DLGAP2: variants seen among roughly 807,000 people sequenced by gnomAD.
DLGAP2 encodes the protein disks large-associated protein 2.
Under a neutral mutation model 100.3 loss-of-function variants are expected in DLGAP2, and 26 were observed. The ratio of observed to expected loss-of-function variants is 0.26; its 90% CI spans 0.19 to 0.36. The LOEUF is 0.36. Among genes scored for constraint, DLGAP2 ranks in the 10% least tolerant of loss-of-function variants. The pLI is 1.00. For missense variants in DLGAP2, 1,858 were observed against 1,453.2 expected, an observed-to-expected ratio of 1.28 and a Z score of -4.53; for synonymous variants, 886 against 630.1, an observed-to-expected ratio of 1.41 and a Z score of -6.08.
intron 8 of DLGAP2, among the ~76,000 whole-genome samples, chr8:1,655,948 G>A (rs139172047): frequency 4.0e-4 from 61 of 152,336 alleles, no homozygotes; most frequent in Non-Finnish European, 6.5e-4. Flanking sequence ...GCTGCTGGCC[G>A]CACCTGACCA....
chr8:871,741 C>G (rs1241873910), intron 1 of DLGAP2, among the ~76,000 whole-genome samples: 1 of 152,088 alleles, frequency 6.6e-6, no homozygotes, highest in African/African-American at 2.4e-5. Context: ...TGGTCCCACG[C>G]ATTTTGGGTA....
intron 3 of DLGAP2, chr8:1,301,912 C>T (rs1489844067): frequency 6.6e-6 from 1 of 152,326 alleles, no homozygotes; most frequent in African/African-American, 2.4e-5. Flanking sequence ...TGCCAAGGTC[C>T]CAGGGAGGGG....
intron 4 of DLGAP2, among the ~76,000 whole-genome samples, chr8:1,543,384 G>T (rs1342054162): frequency 6.6e-6 from 1 of 152,208 alleles, no homozygotes; most frequent in Non-Finnish European, 1.5e-5. Flanking sequence ...TAAGATGGGG[G>T]TTAAATTCAT....
intron 3 of DLGAP2, among the ~76,000 whole-genome samples, chr8:1,414,677 G>A (rs555360528): frequency 2.7e-4 from 34 of 126,186 alleles, no homozygotes; most frequent in Admixed American, 1.0e-3. Flanking sequence ...TGCCCTCAGC[G>A]TGTCTTGCCT....
chr8:1,305,701 A>C (rs553387049), intron 3 of DLGAP2, among the ~76,000 whole-genome samples: 1 of 152,172 alleles, frequency 6.6e-6, no homozygotes, highest in Non-Finnish European at 1.5e-5. Context: ...CAAAAATTAC[A>C]CTGAAAACAT....
At chr8:1,216,697 C>T (rs574013934) in intron 2 of DLGAP2, among the ~76,000 whole-genome samples, 49 of 152,158 alleles carry the variant, frequency 3.2e-4, no homozygotes, top group African/African-American at 8.9e-4. Flanking sequence ...CTGCACTATA[C>T]GATCTCATAT....
At chr8:1,341,880 G>A (rs1195916101) in intron 3 of DLGAP2, among the ~76,000 whole-genome samples, 1 of 152,182 alleles carries the variant, frequency 6.6e-6, no homozygotes, top group East Asian at 1.9e-4. Context: ...CATGCACTGT[G>A]GGATTCTAGC....
intron 6 of DLGAP2, among the ~76,000 whole-genome samples, chr8:1,593,697 C>T (rs1227014325): frequency 1.5e-5 from 2 of 134,852 alleles, no homozygotes; most frequent in Non-Finnish European, 3.4e-5. Flanking sequence ...CAAGAGAGCT[C>T]CCAGAGTCTG....
At chr8:761,166 C>T (rs935418103) in intron 1 of DLGAP2, among the ~76,000 whole-genome samples, 1 of 152,108 alleles carries the variant, frequency 6.6e-6, no homozygotes, top group South Asian at 2.1e-4. Flanking sequence ...GCTTGGGGGG[C>T]CAGGCCCCTT....
At chr8:1,171,059 G>A (rs2116676677) in intron 2 of DLGAP2, among the ~76,000 whole-genome samples, 1 of 151,834 alleles carries the variant, frequency 6.6e-6, no homozygotes, top group Non-Finnish European at 1.5e-5. Flanking sequence ...CTTTGAATGT[G>A]TCCGAGATTC....
intron 2 of DLGAP2, among the ~76,000 whole-genome samples, chr8:1,209,570 T>A (rs547061719): frequency 6.6e-6 from 1 of 152,322 alleles, no homozygotes; most frequent in East Asian, 1.9e-4. Context: ...AATTCCTATG[T>A]TGAAGCCCAA....
chr8:1,339,182 C>T (rs184540594), intron 3 of DLGAP2, among the ~76,000 whole-genome samples: 112 of 147,000 alleles, frequency 7.6e-4, no homozygotes, highest in African/African-American at 2.5e-3. Context: ...CTCAGCGAGG[C>T]GTCAGGACGT....
chr8:1,498,111 G>C (rs568521902), intron 3 of DLGAP2, among the ~76,000 whole-genome samples: 6 of 152,170 alleles, frequency 3.9e-5, no homozygotes, highest in African/African-American at 7.2e-5. Context: ...AACATTTTCC[G>C]ATTGGCCATT....
chr8:1,512,707 C>G (rs1386360642), intron 4 of DLGAP2, among the ~76,000 whole-genome samples: 1 of 152,246 alleles, frequency 6.6e-6, no homozygotes, highest in Non-Finnish European at 1.5e-5. Context: ...TGCGTGAGTA[C>G]CCCAGCTCGC....
At chr8:1,320,109 T>C (rs369777064) in intron 3 of DLGAP2, among the ~76,000 whole-genome samples, 3 of 151,812 alleles carry the variant, frequency 2.0e-5, no homozygotes, top group Non-Finnish European at 4.4e-5. Flanking sequence ...GTAGAGACCA[T>C]GAGAGTGAGG....
At chr8:971,012 A>G (rs1181099612) in intron 2 of DLGAP2, among the ~76,000 whole-genome samples, 1 of 152,252 alleles carries the variant, frequency 6.6e-6, no homozygotes, top group Non-Finnish European at 1.5e-5. Flanking sequence ...TCTGCCCATC[A>G]GTAGTGTGGC....
chr8:1,137,785 C>G (rs575657038), intron 2 of DLGAP2: 21 of 152,268 alleles, frequency 1.4e-4, no homozygotes, highest in African/African-American at 4.3e-4. Flanking sequence ...TGGTTCCCAG[C>G]TATCTCTTTT....
chr8:1,372,062 G>C lies in DLGAP2; in HGVS notation c.106+113179G>C, dbSNP rs184431577. On this transcript the variant is annotated intron_variant, in intron 3 of 14. Coordinates refer to ENST00000637795, the MANE Select transcript of DLGAP2 (RefSeq NM_001346810.2). ...AGGTGGGGGGCCTGAGGCACACACT[G>C]CTCAGGCACCTGCCAGGTGATGGGG... Among the ~76,000 whole-genome samples, 562 of 152,374 alleles carry C rather than the reference G, an allele frequency of 3.7e-3. 2 individuals are homozygous for C. The highest frequency in any genetic ancestry group is 0.013 in the African/African-American group (520 of 41,592).
chr8:1,696,670 G>A (rs1049958267), intron 13 of DLGAP2, among the ~76,000 whole-genome samples: 3 of 152,140 alleles, frequency 2.0e-5, no homozygotes, highest in East Asian at 3.9e-4. Flanking sequence ...GTTCCTTGGC[G>A]CATTACATTT....
Sources: allele counts gnomAD v4.1 joint callset (sites outside exome capture counted in the v4.1 genomes callset), GRCh38; gene constraint gnomAD v4.1.1; transcripts MANE v1.5; gene names NCBI Gene and HGNC (gene_info 2026-07-23, HGNC 2026-07-21).